The following TRPC3 variants were observed in gnomAD, a reference collection of about 807,000 sequenced individuals.
The protein encoded by TRPC3 is transient receptor potential cation channel subfamily C member 3, also known as short transient receptor potential channel 3.
Under a neutral mutation model 90.9 loss-of-function variants are expected in TRPC3, and 54 were observed. The ratio of observed to expected loss-of-function variants is 0.59; its 90% CI spans 0.48 to 0.75. TRPC3 has a LOEUF of 0.75. Ranked by LOEUF, TRPC3 falls within the 30% of genes least tolerant of loss-of-function variation. The pLI, the probability that TRPC3 is intolerant of heterozygous loss-of-function variation, is 0.00. For synonymous variants in TRPC3, 424 were observed against 450.9 expected (o/e 0.94, Z 0.75); for missense variants, 918 against 1,194.5 (o/e 0.77, Z 3.41).
At chr4:121,904,015 T>C (rs921651109) in intron 8 of TRPC3, among the ~76,000 whole-genome samples, 1 of 152,106 alleles carries the variant, frequency 6.6e-6, no homozygotes, top group Non-Finnish European at 1.5e-5. Flanking sequence ...GCTGGCTAAT[T>C]GAAGAGAGAG....
At chr4:121,921,937 G>A (rs34344296) in intron 3 of TRPC3, among the ~76,000 whole-genome samples, 1 of 126,880 alleles carries the variant, frequency 7.9e-6, no homozygotes, top group African/African-American at 2.9e-5. Flanking sequence ...TTTTTTTTTC[G>A]AGTCGGAGTC....
chr4:121,946,749 C>T (rs768486110), intron 1 of TRPC3, among the ~76,000 whole-genome samples: 6 of 152,140 alleles, frequency 3.9e-5, no homozygotes, highest in South Asian at 2.1e-4. Flanking sequence ...TGTTCGTAGA[C>T]GTCTTTTAGC....
At chr4:121,947,556 T>C (rs1730536373) in intron 1 of TRPC3, among the ~76,000 whole-genome samples, 1 of 152,148 alleles carries the variant, frequency 6.6e-6, no homozygotes, top group African/African-American at 2.4e-5. Context: ...CATATAAAGG[T>C]GAGTATCAGA....
Position 121,874,576 on chromosome 4 carries a change from C to G in TRPC3, c.*5160G>C, listed in dbSNP as rs1052255348. Among the ~76,000 whole-genome samples, 4 of 152,198 alleles carry G rather than the reference C, an allele frequency of 2.6e-5. No homozygotes were observed. The highest frequency in any genetic ancestry group is 4.4e-5 in the Non-Finnish European group (3 of 68,034). ...AGGGAATAAAACCGATCTTCAGAGG[C>G]CTCTCTTCTTGGCTTATAGATCGTC... On this transcript the variant is annotated 3_prime_UTR_variant, in exon 12 of 12. Coordinates refer to ENST00000379645, the MANE Select transcript of TRPC3 (RefSeq NM_001130698.2).
At chr4:121,897,453 C>CAAAA (rs70950860) in intron 10 of TRPC3, among the ~76,000 whole-genome samples, 4 of 43,434 alleles carry the variant, frequency 9.2e-5, no homozygotes, top group Non-Finnish European at 1.6e-4. Context: ...ATCTCAACAG[C>CAAAA]AAAAAAAAAA....
chr4:121,889,552 A>G (rs1417557000), intron 10 of TRPC3, among the ~76,000 whole-genome samples: 1 of 152,208 alleles, frequency 6.6e-6, no homozygotes, highest in African/African-American at 2.4e-5. Flanking sequence ...TAGGATGGCT[A>G]TTATCAAACA....
chr4:121,907,480 G>A lies in TRPC3; in HGVS notation c.1880C>T (p.Ala627Val). 6.2e-7 allele frequency: 1 copy of A among 1,613,378 alleles called. No individual in the cohort carries two copies. The highest frequency in any genetic ancestry group is 8.5e-7 in the Non-Finnish European group (1 of 1,179,540). ...GCTCTCATTTGCAGGGAGGATGTAC[G>A]CAATCCGAGAGAAGCTGAGCACAAC... Reference protein sequence around the residue: ...IAVVLSFSRIAYILPANESFG... With the variant: ...IAVVLSFSRIVYILPANESFG... Residue 627 changes from alanine to valine, a missense_variant, in exon 7 of 12, where the codon GCG becomes GTG. This residue lies in a region of TRPC3 where 147 missense variants were observed against 263.5 expected (regional missense o/e 0.56). Coordinates refer to ENST00000379645, the MANE Select transcript of TRPC3 (RefSeq NM_001130698.2).
intron 1 of TRPC3, among the ~76,000 whole-genome samples, chr4:121,937,989 G>A (rs1386730003): frequency 6.7e-6 from 1 of 150,172 alleles, no homozygotes; most frequent in African/African-American, 2.5e-5. Flanking sequence ...TGCAACTTCT[G>A]CCTCCCGGGC....
intron 4 of TRPC3, 62 bp downstream of exon 4, chr4:121,914,718 T>A (rs1163978350): frequency 1.4e-6 from 2 of 1,420,920 alleles, no homozygotes; most frequent in African/African-American, 1.4e-5. Flanking sequence ...AGCTTTTTAT[T>A]TTTTTATCCC....
rs568934356 is a variant in TRPC3 at position 121,887,866 on chromosome 4, C to G, written c.2548-5437G>C. 4.6e-5 allele frequency among the ~76,000 whole-genome samples: 7 copies of G among 152,146 alleles called. No homozygotes were observed. In the East Asian group the frequency reaches 1.2e-3, roughly 25 times the overall value. ...AGCAGAATTTAATCATGGCCATCCTCCTGAGTATGTTCTTGAGAAAAAAAT... is the reference window on the plus strand; with the variant it reads ...AGCAGAATTTAATCATGGCCATCCTGCTGAGTATGTTCTTGAGAAAAAAAT... On this transcript the variant is annotated intron_variant, in intron 10 of 11. Coordinates refer to ENST00000379645, the MANE Select transcript of TRPC3 (RefSeq NM_001130698.2).
At chr4:121,904,233 C>T in intron 8 of TRPC3, 89 bp downstream of exon 8, 1 of 1,205,732 alleles carries the variant, frequency 8.3e-7, no homozygotes, top group Non-Finnish European at 1.2e-6. Flanking sequence ...GTTACATGAG[C>T]TGGAGCTCAG....
chr4:121,904,251 G>A, intron 8 of TRPC3, 71 bp downstream of exon 8: 1 of 1,396,230 alleles, frequency 7.2e-7, no homozygotes, highest in Middle Eastern at 1.8e-4. Flanking sequence ...CAGCCACAGG[G>A]TACAGAAGCA....
chr4:121,925,331 C>T (rs1044825635), intron 2 of TRPC3, 125 bp from the exon 3 acceptor site: 31 of 1,043,816 alleles, frequency 3.0e-5, no homozygotes, highest in Non-Finnish European at 4.2e-5. Flanking sequence ...CACCTGGATG[C>T]AAGGCTTGTT....
intron 10 of TRPC3, among the ~76,000 whole-genome samples, chr4:121,898,652 C>T (rs1308734399): frequency 6.6e-6 from 1 of 152,068 alleles, no homozygotes; most frequent in Non-Finnish European, 1.5e-5. Flanking sequence ...TATATAGTTT[C>T]ATATAGCTAG....
chr4:121,903,707 C>T (rs1728781973), intron 8 of TRPC3, among the ~76,000 whole-genome samples: 1 of 152,114 alleles, frequency 6.6e-6, no homozygotes, highest in Non-Finnish European at 1.5e-5. Flanking sequence ...TCTCAGTTCA[C>T]ACAGCCTAGA....
chr4:121,898,561 G>T (rs113548666), intron 10 of TRPC3, among the ~76,000 whole-genome samples: 93 of 152,146 alleles, frequency 6.1e-4, no homozygotes, highest in African/African-American at 2.2e-3. Context: ...CCACAAAACC[G>T]GTCCCTGGTG....
rs1727813819 is a variant in TRPC3, at chr4:121,877,911, T to C, written c.*1825A>G. ...TGTCCCCAGCTGAATCTGCCACTTT[T>C]TCATTCAACATTTTTTCCAACCGCA... On this transcript the variant is annotated 3_prime_UTR_variant, in exon 12 of 12. Coordinates refer to ENST00000379645, the MANE Select transcript of TRPC3 (RefSeq NM_001130698.2). Among the ~76,000 whole-genome samples the C allele has an allele frequency of 6.6e-6, 1 of 152,142 alleles. No homozygotes were observed. The highest frequency in any genetic ancestry group is 2.4e-5 in the African/African-American group (1 of 41,438).
At position 121,904,443 on chromosome 4, in the gene TRPC3, T is replaced by C; in HGVS notation, c.2132A>G (p.Tyr711Cys). The C allele has an allele frequency of 6.2e-7, 1 of 1,606,036 alleles. No homozygotes were observed. Residue 711 changes from tyrosine (Y) to cysteine (C), a missense_variant, in exon 8 of 12, where the codon TAT (tyrosine) becomes TGT (cysteine). By Grantham distance (194) the Tyr-to-Cys change is radical (BLOSUM62 -2). This residue lies in a region of TRPC3 where 147 missense variants were observed against 263.5 expected (regional missense o/e 0.56). Coordinates refer to ENST00000379645, the MANE Select transcript of TRPC3 (RefSeq NM_001130698.2). ...AATATTTTCTATGAATTTGTGATCATATTTGAGCACAACGGAAGTCACTTC... is the reference window on the plus strand; with the variant it reads ...AATATTTTCTATGAATTTGTGATCACATTTGAGCACAACGGAAGTCACTTC... ...LSEVTSVVLK[Y>C]DHKFIENIGY... is the part of the protein sequence containing the mutation.
Position 121,914,853 on chromosome 4 carries a change from C to T in TRPC3, c.1268G>A (p.Cys423Tyr), listed in dbSNP as rs199527931. ...GLREQTIAIK[C>Y]LVVLVVALGL... Reference sequence around the variant, plus strand: ...CAGGGCCACGACCAGCACAACGAGACACTTGATAGCTATGGTCTGCTCCCT... The same window carrying T: ...CAGGGCCACGACCAGCACAACGAGATACTTGATAGCTATGGTCTGCTCCCT... Residue 423 changes from cysteine (C) to tyrosine (Y), a missense_variant, in exon 4 of 12, where the codon TGT (cysteine) becomes TAT (tyrosine). Around this residue, in one of 4 missense-constraint regions of TRPC3, gnomAD observed 609 missense variants for 725.9 expected, o/e 0.84. Transcript: ENST00000379645. 34 of 1,613,832 alleles carry T rather than the reference C, an allele frequency of 2.1e-5. No individual in the cohort carries two copies. The highest frequency in any genetic ancestry group is 2.2e-5 in the South Asian group (2 of 91,052).
Sources: gnomAD v4.1 joint callset for allele counts (sites outside exome capture counted in the v4.1 genomes callset) on GRCh38, gnomAD v4.1.1 for gene constraint, gnomAD v4.1.1 regional missense constraint, MANE v1.5 for transcripts, NCBI Gene and HGNC (gene_info 2026-07-23, HGNC 2026-07-21) for gene names.